C4orf51: variants seen among roughly 807,000 people sequenced by gnomAD.
C4orf51 encodes uncharacterized protein C4orf51.
Under a neutral mutation model 25.2 loss-of-function variants are expected in C4orf51, and 25 were observed. That is an observed-to-expected ratio of 0.99 (90% CI 0.72 to 1.39). The LOEUF (loss-of-function observed/expected upper bound fraction) is 1.39. C4orf51 is among the 40% of genes most tolerant of loss of function. C4orf51 has a pLI of 0.00. For missense variants in C4orf51, 252 were observed against 239.6 expected (o/e 1.05, Z -0.34); for synonymous variants, 100 against 84.5 (o/e 1.18, Z -1.01).
At chr4:145,720,751 C>T (rs1421629907) in intron 2 of C4orf51, among the ~76,000 whole-genome samples, 1 of 152,176 alleles carries the variant, frequency 6.6e-6, no homozygotes, top group African/African-American at 2.4e-5. Flanking sequence ...TATTTGGCTT[C>T]CATTTTCAAC....
intron 2 of C4orf51, among the ~76,000 whole-genome samples, chr4:145,711,878 T>C (rs888635408): frequency 1.3e-5 from 2 of 152,212 alleles, no homozygotes; most frequent in African/African-American, 4.8e-5. Flanking sequence ...TGTGGCAACC[T>C]TGCATCAAGC....
intron 1 of C4orf51, among the ~76,000 whole-genome samples, chr4:145,751,131 G>A (rs145363060): frequency 2.6e-5 from 4 of 152,186 alleles, no homozygotes; most frequent in Non-Finnish European, 4.4e-5. Context: ...TGTTGCTCCA[G>A]GATTGATCTT....
chr4:145,761,056 G>T lies in C4orf51; in HGVS notation n.167-9932G>T. 1.6e-6 allele frequency: 2 copies of T among 1,289,192 alleles called. No homozygotes were observed. Among genetic ancestry groups the T allele is most frequent in the Non-Finnish European group, 2.0e-6 (2 of 988,434 alleles). 79.9% of individuals were successfully genotyped at this position (1,289,192 alleles called of 1,614,324 possible). On this transcript the variant is annotated intron_variant and non_coding_transcript_variant, in intron 1 of 1. Transcript: ENST00000510096. This position sits in a 1 kb window ranked among gnomAD's most constrained non-coding sequence, Gnocchi z 6.8. ...TGCCGACAGGGCCACGGTCTGCAGA[G>T]CCTGGGAGGCAGACATAACTGACAG...
intron 2 of C4orf51, among the ~76,000 whole-genome samples, chr4:145,706,896 C>T (rs565058877): frequency 1.3e-5 from 2 of 151,224 alleles, no homozygotes; most frequent in East Asian, 1.9e-4. Flanking sequence ...ACTGCAACCT[C>T]CACCTCCCGG....
At chr4:145,750,090 G>A (rs1462744341) in intron 1 of C4orf51, among the ~76,000 whole-genome samples, 2 of 152,030 alleles carry the variant, frequency 1.3e-5, no homozygotes, top group African/African-American at 4.8e-5. Context: ...TCTATGTCTT[G>A]AAAAGTTGTT....
At chr4:145,755,615 CTTGA>C (rs1733892161), downstream of C4orf51, among the ~76,000 whole-genome samples, 1 of 151,950 alleles carries the variant, frequency 6.6e-6, no homozygotes, top group Admixed American at 6.6e-5. Context: ...AAGAAGAGGC[CTTGA>C]TTAAGAAATA....
At chr4:145,703,935 A>G (rs1730629891) in intron 2 of C4orf51, among the ~76,000 whole-genome samples, 1 of 152,260 alleles carries the variant, frequency 6.6e-6, no homozygotes, top group Non-Finnish European at 1.5e-5. Context: ...TTAATAAAAG[A>G]AAAGGCATAA....
chr4:145,690,698 C>T (rs72723853), intron 1 of C4orf51, among the ~76,000 whole-genome samples: 8,610 of 152,090 alleles, frequency 0.057, 312 homozygotes, highest in South Asian at 0.15. Flanking sequence ...AAAGAGACAA[C>T]CCACAGAATG....
At chr4:145,734,198 A>G (rs9308195), downstream of C4orf51, among the ~76,000 whole-genome samples, 147,095 of 152,300 alleles carry the variant, frequency 0.97, 71,082 homozygotes, top group East Asian at 1. Flanking sequence ...AAGAACAAAT[A>G]TTTGCTTGTG....
chr4:145,743,886 CTCATTCT>C (rs1733226291), intron 1 of C4orf51, among the ~76,000 whole-genome samples: 1 of 152,230 alleles, frequency 6.6e-6, no homozygotes, highest in Admixed American at 6.5e-5. Flanking sequence ...GGAAATCCCA[CTCATTCT>C]TTAGATTGCA....
In C4orf51 at chr4:145,765,873, A is replaced by AG; in HGVS notation, n.167-5115_167-5114insG. 8.3e-6 allele frequency: 7 copies of AG among 846,572 alleles called. No homozygotes were observed. Among genetic ancestry groups the AG allele is most frequent in the Non-Finnish European group, 1.2e-5 (7 of 568,546 alleles). The allele number at this position is 846,572 out of a possible 1,614,324, so 52.4% of individuals were successfully genotyped here. A position where few individuals can be genotyped will look rare whatever the true frequency, so the allele number is the denominator to read the frequency against. ...ACAGGCTCATGTCCCCAGCTCCCCC[A>AG]CTGCTGGGGGATCCCAGGTCCTAAG... On this transcript the variant is annotated intron_variant and non_coding_transcript_variant, in intron 1 of 1. Transcript: ENST00000510096. This position sits in a 1 kb window ranked among gnomAD's most constrained non-coding sequence, Gnocchi z 4.7.
intron 2 of C4orf51, among the ~76,000 whole-genome samples, chr4:145,714,546 A>G (rs1444060094): frequency 1.3e-5 from 2 of 152,098 alleles, no homozygotes; most frequent in African/African-American, 4.8e-5. Context: ...CATTTGGTTC[A>G]TGTGCTGTTT....
At chr4:145,692,953 G>GTTTTTTGTTTTTTTT (rs1729687944) in intron 1 of C4orf51, among the ~76,000 whole-genome samples, 1 of 100,970 alleles carries the variant, frequency 9.9e-6, no homozygotes, top group Non-Finnish European at 2.0e-5. Flanking sequence ...TAAGTTTTTA[G>GTTTTTTGTTTTTTTT]TTTTTTTTTT....
Position 145,680,430 on chromosome 4 carries a change from G to A in C4orf51, c.227G>A (p.Cys76Tyr). ...SFRAGQHEPE[C>Y]KQMSLTNSSA... ...AGAGCAGGACAGCATGAGCCTGAGT[G>A]TAAACAGTAAGATTTCTTTGTAATT... The change falls in exon 1 of 6, where the codon TGT becomes TAT. Residue 76 changes from cysteine to tyrosine, a missense_variant. By Grantham distance (194) the Cys-to-Tyr change is radical. Coordinates refer to ENST00000438731, the MANE Select transcript of C4orf51 (RefSeq NM_001080531.3). 6.2e-7 allele frequency: 1 copy of A among 1,611,914 alleles called. No individual in the cohort carries two copies. Among genetic ancestry groups the A allele is most frequent in the Non-Finnish European group, 8.5e-7 (1 of 1,178,280 alleles).
At chr4:145,750,800 T>C (rs1733630257) in intron 1 of C4orf51, among the ~76,000 whole-genome samples, 1 of 152,208 alleles carries the variant, frequency 6.6e-6, no homozygotes, top group African/African-American at 2.4e-5. Context: ...GAGGCTTTTT[T>C]TCTAGATCTT....
At chr4:145,729,296 GAT>G in intron 4 of C4orf51, 67 bp downstream of exon 4, 16 of 331,170 alleles carry the variant, frequency 4.8e-5, no homozygotes, top group Non-Finnish European at 6.7e-5. Context: ...GTGGTCATGT[GAT>G]TTTTTTTTTT....
Position 145,765,621 on chromosome 4 carries a change from C to T in C4orf51, n.167-5367C>T. On this transcript the variant is annotated intron_variant and non_coding_transcript_variant, in intron 1 of 1. Coordinates refer to the C4orf51 transcript ENST00000510096. The surrounding 1 kb of genome is among the most constrained non-coding windows in gnomAD (Gnocchi z 4.7). ...GACAGAGATGACCAGCAGATTGTTC[C>T]CGCCCTTGTTTTTCTGGGAGCCATC... 8 of 1,614,140 alleles carry T rather than the reference C, an allele frequency of 5.0e-6. No homozygotes were observed. Among genetic ancestry groups the T allele is most frequent in the Non-Finnish European group, 6.8e-6 (8 of 1,180,018 alleles).
intron 2 of C4orf51, among the ~76,000 whole-genome samples, chr4:145,702,799 G>A (rs1251911572): frequency 9.2e-5 from 14 of 151,888 alleles, no homozygotes; most frequent in Non-Finnish European, 1.9e-4. Context: ...ATCCAAAGCC[G>A]TATCCAGGCC....
chr4:145,724,640 G>A (rs1197640269), intron 2 of C4orf51, among the ~76,000 whole-genome samples: 1 of 152,134 alleles, frequency 6.6e-6, no homozygotes, highest in Non-Finnish European at 1.5e-5. Context: ...CCAGCACTTT[G>A]AGAGGCTGAG....
Sources: gnomAD v4.1 joint callset for allele counts (sites outside exome capture counted in the v4.1 genomes callset) on GRCh38, gnomAD v4.1.1 for gene constraint, Gnocchi (gnomAD v3.1) non-coding constraint, MANE v1.5 for transcripts, NCBI Gene and HGNC (gene_info 2026-07-23, HGNC 2026-07-21) for gene names.